Variants in PIRT observed in about 807,000 individuals in gnomAD.
PIRT encodes phosphoinositide-interacting protein.
In PIRT, 6 loss-of-function variants were observed where a neutral mutation model predicts 7.9. The observed-to-expected ratio is 0.76, with a 90% confidence interval of 0.42 to 1.51. PIRT has a LOEUF of 1.51. PIRT is among the 40% of genes most tolerant of loss of function. The pLI, the probability that PIRT is intolerant of heterozygous loss-of-function variation, is 0.01. For missense variants in PIRT, 170 were observed against 172.9 expected (o/e 0.98, Z 0.09); for synonymous variants, 78 against 71.8 (o/e 1.09, Z -0.44).
chr17:10,827,476 T>TTTTTTTTTTTTTTTTTTTTTTTTTTG (rs1905358969), intron 1 of PIRT, among the ~76,000 whole-genome samples: 1 of 129,816 alleles, frequency 7.7e-6, no homozygotes, highest in Non-Finnish European at 1.6e-5. Context: ...TTTTTTTTTT[T>TTTTTTTTTTTTTTTTTTTTTTTTTTG]TTTTTTTTTT....
rs546105685 is a variant in PIRT, at chr17:10,827,465, CTTTTTTTT to C, written c.-138-1690_-138-1683del. ...TCTTTCTTTTCTTTCTTTTTCTTTT[CTTTTTTTT>C]TTTTTTTTTTTTTTTTTTGAAGTGG... On this transcript the variant is annotated intron_variant, in intron 1 of 1. Transcript: ENST00000580256. 4.8e-3 allele frequency among the ~76,000 whole-genome samples: 268 copies of C among 56,318 alleles called. 6 individuals are homozygous for C. Among genetic ancestry groups the C allele is most frequent in the East Asian group, 0.015 (30 of 1,950 alleles). 36.9% of individuals were successfully genotyped at this position (56,318 alleles called of 152,430 possible). A position where few individuals can be genotyped will look rare whatever the true frequency, so the allele number is the denominator to read the frequency against.
intron 1 of PIRT, among the ~76,000 whole-genome samples, chr17:10,827,003 G>T (rs1434222719): frequency 6.6e-6 from 1 of 151,940 alleles, no homozygotes. Context: ...GTAGAGATGG[G>T]GTTTCTCCAT....
chr17:10,825,465 C>T lies in PIRT; in HGVS notation c.181G>A (p.Val61Met), dbSNP rs2151532988. The change falls in exon 2 of 2, where the codon GTG (valine) becomes ATG (methionine). Residue 61 changes from valine (V) to methionine (M), a missense_variant. Transcript: ENST00000580256. ...IYRKPIVIMS[V>M]GGAILLFGVV... Reference sequence around the variant, plus strand: ...CCGAAAAGCAGGATGGCACCGCCCACTGACATGATAACGATGGGCTTGCGG... The same window carrying T: ...CCGAAAAGCAGGATGGCACCGCCCATTGACATGATAACGATGGGCTTGCGG... 1 of 1,613,990 alleles carries T rather than the reference C, an allele frequency of 6.2e-7. No individual in the cohort carries two copies. Among genetic ancestry groups the T allele is most frequent in the South Asian group, 1.1e-5 (1 of 91,064 alleles).
chr17:10,825,974 T>C (rs540498974), intron 1 of PIRT, among the ~76,000 whole-genome samples, 191 bp from the exon 2 acceptor site: 3 of 152,096 alleles, frequency 2.0e-5, no homozygotes, highest in Non-Finnish European at 4.4e-5. Flanking sequence ...TTGCTTGTTT[T>C]TTTTTTTAGA....
chr17:10,827,460 C>CTTTTTTT (rs1905352594), intron 1 of PIRT, among the ~76,000 whole-genome samples: 1 of 66,968 alleles, frequency 1.5e-5, no homozygotes, highest in African/African-American at 7.1e-5. Context: ...CTTTCTTTTT[C>CTTTTTTT]TTTTCTTTTT....
At chr17:10,828,088 AG>A (rs1221034134) in intron 1 of PIRT, among the ~76,000 whole-genome samples, 1 of 152,166 alleles carries the variant, frequency 6.6e-6, no homozygotes, top group Non-Finnish European at 1.5e-5. Flanking sequence ...CTGGTTGCTA[AG>A]GACAAACACA....
intron 1 of PIRT, among the ~76,000 whole-genome samples, chr17:10,827,469 T>TC (rs1356956354): frequency 2.7e-5 from 3 of 112,696 alleles, no homozygotes; most frequent in African/African-American, 9.3e-5. Flanking sequence ...TCTTTTCTTT[T>TC]TTTTTTTTTT....
At chr17:10,835,542 G>A (rs575585428) in intron 1 of PIRT, among the ~76,000 whole-genome samples, 3 of 152,214 alleles carry the variant, frequency 2.0e-5, no homozygotes, top group Non-Finnish European at 2.9e-5. Flanking sequence ...CGGTTTTAAC[G>A]TTTATTTTCA....
At chr17:10,837,073 C>T (rs1048779340) in intron 1 of PIRT, among the ~76,000 whole-genome samples, 2 of 152,124 alleles carry the variant, frequency 1.3e-5, no homozygotes, top group Non-Finnish European at 2.9e-5. Context: ...CTGAGTAAGC[C>T]GCTGCTGTCA....
intron 1 of PIRT, among the ~76,000 whole-genome samples, chr17:10,835,162 C>G (rs989551329): frequency 4.6e-5 from 7 of 152,152 alleles, no homozygotes; most frequent in Non-Finnish European, 7.3e-5. Flanking sequence ...TTCTGCTGGC[C>G]GAAGTTCCTA....
At position 10,825,526 on chromosome 17, in the gene PIRT, G is replaced by A; in HGVS notation, c.120C>T (p.Val40=). 3.7e-6 allele frequency: 6 copies of A among 1,612,874 alleles called. No homozygotes were observed. Among genetic ancestry groups the A allele is most frequent in the South Asian group, 1.1e-5 (1 of 90,800 alleles). ...AGTTACTCCTGGGGGTGGTGGTCCA[G>A]ACAGACTCGCTCCTGGAGCTGATGC... ...SLCISSRSES[V]WTTTPRSNWE... is the part of the protein sequence containing the mutation. The change falls in exon 2 of 2, where the codon GTC becomes GTT. Residue 40 remains valine (V), a synonymous_variant. Transcript: ENST00000580256.
chr17:10,828,952 C>A (rs1905398517), intron 1 of PIRT, among the ~76,000 whole-genome samples: 1 of 152,214 alleles, frequency 6.6e-6, no homozygotes, highest in African/African-American at 2.4e-5. Flanking sequence ...TTACAAGGTG[C>A]TTTTGTAACT....
Position 10,822,788 on chromosome 17 carries a change from A to G in PIRT, c.*2444T>C, listed in dbSNP as rs1352148933. The G allele has an allele frequency of 6.6e-6, 1 of 152,172 alleles. No homozygotes were observed. The highest frequency in any genetic ancestry group is 2.4e-5 in the African/African-American group (1 of 41,448). The allele number at this position is 152,172 out of a possible 1,614,324, so 9.4% of individuals were successfully genotyped here. A position where few individuals can be genotyped will look rare whatever the true frequency, so the allele number is the denominator to read the frequency against. ...CCTGGAACCTTTCCAGCCCACACTC[A>G]TGTGGAGGATCCCAGTGGGGATGAC... On this transcript the variant is annotated 3_prime_UTR_variant, in exon 2 of 2. Coordinates refer to ENST00000580256, the MANE Select transcript of PIRT (RefSeq NM_001101387.2).
chr17:10,825,056 G>T lies in PIRT; in HGVS notation c.*176C>A. 1 of 799,180 alleles carries T rather than the reference G, an allele frequency of 1.3e-6. No homozygotes were observed. The highest frequency in any genetic ancestry group is 1.9e-6 in the Non-Finnish European group (1 of 516,164). The allele number at this position is 799,180 out of a possible 1,614,324, so 49.5% of individuals were successfully genotyped here. On this transcript the variant is annotated 3_prime_UTR_variant, in exon 2 of 2. Transcript: ENST00000580256. ...GAATAGAGATCAAGTGGATACATCT[G>T]GCAACATTCCCGGCTGCATGGAGGG... is the stretch of plus-strand genomic sequence containing the variant.
intron 1 of PIRT, among the ~76,000 whole-genome samples, chr17:10,827,067 C>T (rs1905338455): frequency 6.6e-6 from 1 of 152,126 alleles, no homozygotes; most frequent in Non-Finnish European, 1.5e-5. Flanking sequence ...CTGTCTTGGC[C>T]TCCCAAAGTG....
At position 10,824,471 on chromosome 17, in the gene PIRT, C is replaced by T. The variant is rs1308367021; in HGVS notation, c.*761G>A. The T allele has an allele frequency of 6.6e-6, 1 of 152,124 alleles. No homozygotes were observed. The highest frequency in any genetic ancestry group is 1.9e-4 in the East Asian group (1 of 5,188). The allele number at this position is 152,124 out of a possible 1,614,324, so 9.4% of individuals were successfully genotyped here. Reference sequence around the variant, plus strand: ...GAAATTAGGGCAACATGCATTTTGTCCTTGGCTAATGATCAAGTTCAGAGA... The same window carrying T: ...GAAATTAGGGCAACATGCATTTTGTTCTTGGCTAATGATCAAGTTCAGAGA... On this transcript the variant is annotated 3_prime_UTR_variant, in exon 2 of 2. Transcript: ENST00000580256.
At chr17:10,826,866 G>A (rs1283442390) in intron 1 of PIRT, among the ~76,000 whole-genome samples, 4 of 151,982 alleles carry the variant, frequency 2.6e-5, no homozygotes, top group East Asian at 3.9e-4. Flanking sequence ...AGGCAGGAGT[G>A]CAATGGCGTG....
Position 10,825,438 on chromosome 17 carries a change from C to T in PIRT, c.208G>A (p.Val70Met), listed in dbSNP as rs199802481. 4.5e-5 allele frequency: 73 copies of T among 1,613,912 alleles called. No homozygotes were observed. The highest frequency in any genetic ancestry group is 2.9e-4 in the East Asian group (13 of 44,872). Residue 70 changes from valine to methionine, a missense_variant, in exon 2 of 2, where the codon GTG (valine) becomes ATG (methionine). Physicochemically the swap from Val to Met is conservative, Grantham distance 21. Transcript: ENST00000580256. ...SVGGAILLFG[V>M]VITCLAYTLK... ...GTGTAGGCCAAGCAGGTGATGACCA[C>T]GCCGAAAAGCAGGATGGCACCGCCC...
rs552428709 is a variant in PIRT, at chr17:10,825,237, G to A, written c.409C>T (p.Arg137Cys). The A allele has an allele frequency of 4.3e-6, 7 of 1,613,310 alleles. No individual in the cohort carries two copies. In the Admixed American group the frequency reaches 8.3e-5, roughly 19 times the overall value. ...LRSLKSFFLT[R>C] is the part of the protein sequence containing the mutation. Reference sequence around the variant, plus strand: ...GGGAGATGCGGAAACCACCATCAGCGAGTCAGGAAGAAGGACTTGAGGCTG... The same window carrying A: ...GGGAGATGCGGAAACCACCATCAGCAAGTCAGGAAGAAGGACTTGAGGCTG... The change falls in exon 2 of 2, where the codon CGC becomes TGC. Residue 137 changes from arginine to cysteine, a missense_variant. By Grantham distance (180) the Arg-to-Cys change is radical. Transcript: ENST00000580256.
Sources: gnomAD v4.1 joint callset for allele counts (sites outside exome capture counted in the v4.1 genomes callset) on GRCh38, gnomAD v4.1.1 for gene constraint, MANE v1.5 for transcripts, NCBI Gene and HGNC (gene_info 2026-07-23, HGNC 2026-07-21) for gene names.